The following TBCD variants were observed in gnomAD, a reference collection of about 807,000 sequenced individuals.
The protein encoded by TBCD is tubulin-specific chaperone D.
Under a neutral mutation model 169.3 loss-of-function variants are expected in TBCD, and 105 were observed. The ratio of observed to expected loss-of-function variants is 0.62; its 90% CI spans 0.53 to 0.73. TBCD has a LOEUF of 0.73. TBCD is among the 30% of genes least tolerant of loss of function. The probability of loss-of-function intolerance (pLI) is 0.00; values close to 1 mark genes in which losing one functional copy is unlikely to be tolerated. For synonymous variants in TBCD, 700 were observed against 643.9 expected, an observed-to-expected ratio of 1.09 and a Z score of -1.32; for missense variants, 1,444 against 1,600.1, an observed-to-expected ratio of 0.90 and a Z score of 1.66.
chr17:82,897,968 T>G (rs1411165073), intron 17 of TBCD, among the ~76,000 whole-genome samples: 1 of 151,244 alleles, frequency 6.6e-6, no homozygotes, highest in Non-Finnish European at 1.5e-5. Flanking sequence ...ACGTCACGGC[T>G]CTGTTCTCCC....
chr17:82,929,336 G>A (rs1171920076), intron 31 of TBCD, 26 bp from the exon 32 acceptor site: 2 of 1,610,344 alleles, frequency 1.2e-6, no homozygotes, highest in African/African-American at 2.7e-5. Context: ...TGGCAGCCCG[G>A]CCTTGTCTCA....
intron 13 of TBCD, among the ~76,000 whole-genome samples, chr17:82,841,955 G>C (rs1459183121): frequency 6.6e-6 from 1 of 152,218 alleles, no homozygotes; most frequent in East Asian, 1.9e-4. Context: ...GCTGTATGAT[G>C]GCTCAGGACT....
Position 82,890,997 on chromosome 17 carries a change from G to A in TBCD, c.1563+1300G>A, listed in dbSNP as rs1475581086. 6.6e-6 allele frequency among the ~76,000 whole-genome samples: 1 copy of A among 152,230 alleles called. No individual in the cohort carries two copies. Among genetic ancestry groups the A allele is most frequent in the African/African-American group, 2.4e-5 (1 of 41,460 alleles). ...CAGGAGAAGAAGTCTCCCTGTCCCTGGGCTTCCAGCCCCTCCAGAGCCCCC... is the reference window on the plus strand; with the variant it reads ...CAGGAGAAGAAGTCTCCCTGTCCCTAGGCTTCCAGCCCCTCCAGAGCCCCC... On this transcript the variant is annotated intron_variant, in intron 16 of 38. Coordinates refer to ENST00000355528, the MANE Select transcript of TBCD (RefSeq NM_005993.5). This position sits in a 1 kb window ranked among gnomAD's most constrained non-coding sequence, Gnocchi z 5.3.
At chr17:82,855,593 T>C (rs1230738783) in intron 13 of TBCD, among the ~76,000 whole-genome samples, 1 of 152,088 alleles carries the variant, frequency 6.6e-6, no homozygotes, top group Non-Finnish European at 1.5e-5. Context: ...AAAAGTCATT[T>C]CTCTCTTTCT....
In TBCD at chr17:82,908,178, G is replaced by A. The variant is rs535991742; in HGVS notation, c.1983+357G>A. 2.9e-4 allele frequency: 111 copies of A among 387,570 alleles called. 1 individual carries two copies. The highest frequency in any genetic ancestry group is 2.6e-3 in the Middle Eastern group (3 of 1,146). 24.0% of individuals were successfully genotyped at this position (387,570 alleles called of 1,614,324 possible). A position where few individuals can be genotyped will look rare whatever the true frequency, so the allele number is the denominator to read the frequency against. On this transcript the variant is annotated intron_variant, in intron 21 of 38. Transcript: ENST00000355528. ...CTGGAGTGTGGTTTCCCTCCGGGGC[G>A]CGCGGCTGCGGTCCCACGATGGAGC...
chr17:82,929,222 C>T lies in TBCD; in HGVS notation c.2803C>T (p.Pro935Ser), dbSNP rs761320958. The T allele has an allele frequency of 1.9e-6, 3 of 1,613,810 alleles. No homozygotes were observed. Among genetic ancestry groups the T allele is most frequent in the African/African-American group, 2.7e-5 (2 of 74,918 alleles). ...GACGCTCCTGCACTTTGACAGCCCT[C>T]CCATCCCCCACGTGCCCCACCGAGG... ...FLTLLHFDSPPIPHVPHRGEL... is the reference protein window; with the variant it reads ...FLTLLHFDSPSIPHVPHRGEL... Residue 935 changes from proline (P) to serine (S), a missense_variant, in exon 31 of 39, where the codon CCC becomes TCC. By Grantham distance (74) the Pro-to-Ser change is moderately conservative (BLOSUM62 -1). Transcript: ENST00000355528.
intron 10 of TBCD, among the ~76,000 whole-genome samples, chr17:82,807,372 C>T (rs1441772886): frequency 2.0e-5 from 3 of 152,168 alleles, no homozygotes; most frequent in Non-Finnish European, 4.4e-5. Context: ...TCCCTGTAGC[C>T]GGCTTTAATG....
intron 14 of TBCD, among the ~76,000 whole-genome samples, chr17:82,871,839 G>T (rs2057586504): frequency 6.6e-6 from 1 of 152,226 alleles, no homozygotes; most frequent in Non-Finnish European, 1.5e-5. Context: ...GACGTCCTGG[G>T]TGCGCCTCCA....
chr17:82,921,200 C>T (rs756563620), intron 24 of TBCD: 4 of 459,330 alleles, frequency 8.7e-6, no homozygotes, highest in South Asian at 3.2e-5. Context: ...CGGGGGAGAC[C>T]GTTTGAAGGA....
At chr17:82,838,978 C>T (rs2054224924) in intron 13 of TBCD, 1 of 985,146 alleles carries the variant, frequency 1.0e-6, no homozygotes, top group African/African-American at 1.7e-5. Context: ...TTGTTCTCCT[C>T]CAAATCAAGT....
chr17:82,823,289 C>T (rs1382431438), intron 13 of TBCD, among the ~76,000 whole-genome samples: 1 of 152,218 alleles, frequency 6.6e-6, no homozygotes, highest in Non-Finnish European at 1.5e-5. Flanking sequence ...CCCAGGTGAT[C>T]AAGGGGCCCT....
Position 82,870,351 on chromosome 17 carries a change from G to GC in TBCD, c.1447dup (p.Leu483ProfsTer19). ...TCGCGCGTGCCTATGAGCCTCAGGA[G>GC]CTGAAGCCCTTTGTGACTGCAATCT... On this transcript the variant is annotated frameshift_variant, in exon 14 of 39. Transcript: ENST00000355528. LOFTEE classifies it high-confidence loss of function. 8 of 1,613,306 alleles carry GC rather than the reference G, an allele frequency of 5.0e-6. No individual in the cohort carries two copies. The highest frequency in any genetic ancestry group is 6.8e-6 in the Non-Finnish European group (8 of 1,179,820).
At chr17:82,939,518 C>T in intron 37 of TBCD, 42 bp downstream of exon 37, 1 of 1,491,074 alleles carries the variant, frequency 6.7e-7, no homozygotes, top group African/African-American at 1.4e-5. Context: ...GGGCCTGGCA[C>T]CGCCCCTCTT....
intron 8 of TBCD, among the ~76,000 whole-genome samples, chr17:82,800,649 C>T (rs1427428998): frequency 6.6e-6 from 1 of 152,142 alleles, no homozygotes. Context: ...TGAGTACTTG[C>T]TCTCCTGACC....
At position 82,944,192 on chromosome 17, in the gene TBCD, T is replaced by G. The variant is rs1421586342; in HGVS notation, c.*1729T>G. The G allele has an allele frequency of 6.6e-6, 1 of 152,206 alleles. No individual in the cohort carries two copies. Among genetic ancestry groups the G allele is most frequent in the Non-Finnish European group, 1.5e-5 (1 of 68,038 alleles). 9.4% of individuals were successfully genotyped at this position (152,206 alleles called of 1,614,324 possible). On this transcript the variant is annotated 3_prime_UTR_variant, in exon 39 of 39. Coordinates refer to ENST00000355528, the MANE Select transcript of TBCD (RefSeq NM_005993.5). Reference sequence around the variant, plus strand: ...ACCCAGACCCATCAGTGACACTATGTGGCAAAGCAGTTCTTCTTTTAATGT... The same window carrying G: ...ACCCAGACCCATCAGTGACACTATGGGGCAAAGCAGTTCTTCTTTTAATGT...
chr17:82,832,764 T>G lies in TBCD; in HGVS notation c.1318+17830T>G. Reference sequence around the variant, plus strand: ...CTGAAGGGCTGAAACTGCCTGCTCCTGAGGGGAGCAGCTGCCGGTCACAGA... The same window carrying G: ...CTGAAGGGCTGAAACTGCCTGCTCCGGAGGGGAGCAGCTGCCGGTCACAGA... On this transcript the variant is annotated intron_variant, in intron 13 of 38. Coordinates refer to ENST00000355528, the MANE Select transcript of TBCD (RefSeq NM_005993.5). This position sits in a 1 kb window ranked among gnomAD's most constrained non-coding sequence, Gnocchi z 4.9. The G allele has an allele frequency of 2.3e-6, 1 of 444,184 alleles. No individual in the cohort carries two copies. Among genetic ancestry groups the G allele is most frequent in the Non-Finnish European group, 4.2e-6 (1 of 240,784 alleles). The allele number at this position is 444,184 out of a possible 1,614,324, so 27.5% of individuals were successfully genotyped here. A position where few individuals can be genotyped will look rare whatever the true frequency, so the allele number is the denominator to read the frequency against.
chr17:82,773,624 T>C (rs2048413410), intron 6 of TBCD, among the ~76,000 whole-genome samples: 1 of 152,292 alleles, frequency 6.6e-6, no homozygotes, highest in South Asian at 2.1e-4. Flanking sequence ...GCTCAGTTGC[T>C]GCACTCAATT....
intron 11 of TBCD, among the ~76,000 whole-genome samples, chr17:82,809,067 A>T (rs1394394289): frequency 2.6e-5 from 4 of 151,980 alleles, no homozygotes; most frequent in African/African-American, 9.7e-5. Flanking sequence ...GAGGAGCTCC[A>T]CAGGGCTGTG....
rs116715234 is a variant in TBCD, at chr17:82,787,298, C to T, written c.771+5577C>T. On this transcript the variant is annotated intron_variant, in intron 7 of 38. Coordinates refer to ENST00000355528, the MANE Select transcript of TBCD (RefSeq NM_005993.5). ...AAGAGTGAGCAATTGTCTGACGCAG[C>T]CGGCTGAAATCCCTGGGAAGGGAAT... Among the ~76,000 whole-genome samples, 1,381 of 152,372 alleles carry T rather than the reference C, an allele frequency of 9.1e-3. 17 individuals carry two copies. Among genetic ancestry groups the T allele is most frequent in the African/African-American group, 0.032 (1,338 of 41,588 alleles).
Sources: allele counts gnomAD v4.1 joint callset (sites outside exome capture counted in the v4.1 genomes callset), GRCh38; gene constraint gnomAD v4.1.1; non-coding constraint Gnocchi (gnomAD v3.1); transcripts MANE v1.5; gene names NCBI Gene and HGNC (gene_info 2026-07-23, HGNC 2026-07-21).